Variants in SHOC1 observed in about 807,000 individuals in gnomAD.
The protein encoded by SHOC1 is shortage in chiasmata 1.
A neutral mutation model predicts 179.2 loss-of-function variants in SHOC1; 136 were observed. The observed-to-expected ratio is 0.76, with a 90% confidence interval of 0.66 to 0.87. The LOEUF is 0.87. SHOC1 is among the 40% of genes least tolerant of loss of function. SHOC1 has a pLI of 0.00. For missense variants in SHOC1, 1,538 were observed against 1,700.8 expected (o/e 0.90, Z 1.68); for synonymous variants, 489 against 586.6 (o/e 0.83, Z 2.41).
chr9:111,717,494 G>A, intron 16 of SHOC1, among the ~76,000 whole-genome samples: 1 of 151,812 alleles, frequency 6.6e-6, no homozygotes, highest in Non-Finnish European at 1.5e-5. Flanking sequence ...CTGGGGGGCT[G>A]AGGCAGGAGA....
chr9:111,771,935 G>A (rs1422513457), intron 5 of SHOC1, among the ~76,000 whole-genome samples: 5 of 152,132 alleles, frequency 3.3e-5, no homozygotes, highest in East Asian at 1.9e-4. Context: ...AGACCTTCCC[G>A]TACTGGAGAT....
intron 24 of SHOC1, among the ~76,000 whole-genome samples, chr9:111,697,702 T>C (rs149917195): frequency 0.011 from 1,634 of 152,336 alleles, 70 homozygotes; most frequent in Admixed American, 0.076. Flanking sequence ...TTTGGGTATA[T>C]ACCCAGTAAT....
chr9:111,766,800 C>T (rs1165055652), intron 5 of SHOC1, among the ~76,000 whole-genome samples: 1 of 151,536 alleles, frequency 6.6e-6, no homozygotes, highest in Non-Finnish European at 1.5e-5. Flanking sequence ...TTAGTAGAGA[C>T]AAGGTTTTGC....
Position 111,691,550 on chromosome 9 carries a change from C to A in SHOC1, c.4426+1G>T. 1 of 1,608,548 alleles carries A rather than the reference C, an allele frequency of 6.2e-7. No individual in the cohort carries two copies. The highest frequency in any genetic ancestry group is 1.1e-5 in the South Asian group (1 of 90,368). On this transcript the variant is annotated splice_donor_variant, in intron 27 of 27. Transcript: ENST00000682961. LOFTEE classifies it high-confidence loss of function. The stretch of plus-strand genomic sequence containing the variant: ...TTTTATCAACTATTGGATAGTGTTA[C>A]CTGTTAATGATTCCTTGTCTCCTGA...
At chr9:111,741,641 T>G (rs1287678177) in intron 10 of SHOC1, 71 bp from the exon 11 acceptor site, 2 of 849,722 alleles carry the variant, frequency 2.4e-6, no homozygotes, top group Non-Finnish European at 3.5e-6. Context: ...TTTATTTTAT[T>G]TTATTTTTTT....
At chr9:111,771,058 A>G (rs1185680696) in intron 5 of SHOC1, among the ~76,000 whole-genome samples, 1 of 151,834 alleles carries the variant, frequency 6.6e-6, no homozygotes, top group Admixed American at 6.6e-5. Flanking sequence ...TTTGTTGCCT[A>G]TTTTCTGATA....
At position 111,776,005 on chromosome 9, in the gene SHOC1, G is replaced by A. The variant is rs1835820590; in HGVS notation, c.258-30C>T. 3.2e-6 allele frequency: 5 copies of A among 1,551,522 alleles called. No individual in the cohort carries two copies. In the East Asian group the frequency reaches 9.1e-5, roughly 28 times the overall value. ...GACAATATAAAATTACTAATGTTAT[G>A]TATGTCCTATTTTAAAACACTTTTA... On this transcript the variant is annotated intron_variant, in intron 4 of 27. Coordinates refer to ENST00000682961, the MANE Select transcript of SHOC1 (RefSeq NM_001378211.1).
chr9:111,757,872 A>G (rs1259164466), intron 7 of SHOC1, among the ~76,000 whole-genome samples: 2 of 152,226 alleles, frequency 1.3e-5, no homozygotes, highest in Non-Finnish European at 2.9e-5. Flanking sequence ...TCAGGCTTCA[A>G]CATTTTTTTT....
rs567559215 is a variant in SHOC1, at chr9:111,779,089, ACT to A, written c.257+1839_257+1840del. Among the ~76,000 whole-genome samples, 125 of 126,516 alleles carry A rather than the reference ACT, an allele frequency of 9.9e-4. 1 individual carries two copies. The highest frequency in any genetic ancestry group is 5.2e-4 in the East Asian group (2 of 3,858). 83.0% of individuals were successfully genotyped at this position (126,516 alleles called of 152,430 possible). ...ACTCCAGCCTAGGCGACAGAGCGAG[ACT>A]CTGTGTCAAAAAAAAAAAAAAAAAG... is the stretch of plus-strand genomic sequence containing the variant. On this transcript the variant is annotated intron_variant, in intron 4 of 27. Coordinates refer to ENST00000682961, the MANE Select transcript of SHOC1 (RefSeq NM_001378211.1).
chr9:111,760,304 T>G (rs1835080251), intron 5 of SHOC1, among the ~76,000 whole-genome samples: 1 of 152,220 alleles, frequency 6.6e-6, no homozygotes, highest in South Asian at 2.1e-4. Context: ...AGGTTGTTTA[T>G]AGCAAGAGTG....
At position 111,709,542 on chromosome 9, in the gene SHOC1, GAA is replaced by G. The variant is rs1832438071; in HGVS notation, c.2489-1620_2489-1619del. On this transcript the variant is annotated intron_variant, in intron 18 of 27. Coordinates refer to ENST00000682961, the MANE Select transcript of SHOC1 (RefSeq NM_001378211.1). ...AGAAACTGAAGATAATTGCCGTTCTGAAAAAGAGTAAAAACATCTTCCAGTTT... is the reference window on the plus strand; with the variant it reads ...AGAAACTGAAGATAATTGCCGTTCTGAAAGAGTAAAAACATCTTCCAGTTT... Among the ~76,000 whole-genome samples the G allele has an allele frequency of 2.0e-5, 3 of 152,108 alleles. No homozygotes were observed. The South Asian group carries it at 6.2e-4, about 32-fold the overall frequency.
At chr9:111,778,777 A>G (rs1835928155) in intron 4 of SHOC1, among the ~76,000 whole-genome samples, 1 of 150,256 alleles carries the variant, frequency 6.7e-6, no homozygotes, top group Non-Finnish European at 1.5e-5. Flanking sequence ...TCTCAAAAAA[A>G]AAAAAAAAAA....
intron 26 of SHOC1, 69 bp from the exon 27 acceptor site, chr9:111,692,580 G>A: frequency 8.7e-7 from 1 of 1,153,432 alleles, no homozygotes; most frequent in Non-Finnish European, 1.2e-6. Flanking sequence ...TATCTATATG[G>A]AAAGAAGGCA....
In SHOC1 at chr9:111,781,200, G is replaced by A. The variant is rs143576902; in HGVS notation, c.170-183C>T. ...TCCTCATTATCATCAACCTACCCCCGCCCCTCAATCAACTACAGTTAGAAC... is the reference window on the plus strand; with the variant it reads ...TCCTCATTATCATCAACCTACCCCCACCCCTCAATCAACTACAGTTAGAAC... On this transcript the variant is annotated intron_variant, in intron 3 of 27. Coordinates refer to ENST00000682961, the MANE Select transcript of SHOC1 (RefSeq NM_001378211.1). 936 of 559,404 alleles carry A rather than the reference G, an allele frequency of 1.7e-3. 3 individuals carry two copies. Among genetic ancestry groups the A allele is most frequent in the African/African-American group, 9.1e-3 (474 of 52,064 alleles). 34.7% of individuals were successfully genotyped at this position (559,404 alleles called of 1,614,324 possible).
intron 24 of SHOC1, among the ~76,000 whole-genome samples, chr9:111,695,008 A>G (rs1831626068): frequency 6.6e-6 from 1 of 152,110 alleles, no homozygotes; most frequent in South Asian, 2.1e-4. Flanking sequence ...GTAAGGAAAA[A>G]AAGTACAGAA....
chr9:111,700,838 T>C (rs1260393659), intron 23 of SHOC1, among the ~76,000 whole-genome samples: 2 of 152,128 alleles, frequency 1.3e-5, no homozygotes, highest in African/African-American at 2.4e-5. Flanking sequence ...AGGCAGAGGG[T>C]GCCTACTTGA....
At chr9:111,760,964 T>A (rs1413970942) in intron 5 of SHOC1, among the ~76,000 whole-genome samples, 2 of 151,506 alleles carry the variant, frequency 1.3e-5, no homozygotes, top group Non-Finnish European at 2.9e-5. Context: ...TTATATATTA[T>A]AATTATACAT....
At chr9:111,776,998 A>G (rs912663992) in intron 4 of SHOC1, among the ~76,000 whole-genome samples, 1 of 152,176 alleles carries the variant, frequency 6.6e-6, no homozygotes, top group African/African-American at 2.4e-5. Context: ...TTTAAAGACA[A>G]TTTGGCAGGT....
chr9:111,781,117 T>C, intron 3 of SHOC1, 100 bp from the exon 4 acceptor site: 2 of 827,488 alleles, frequency 2.4e-6, no homozygotes. Context: ...TTTATCTTTA[T>C]TTATTCACAA....
Sources: gnomAD v4.1 joint callset for allele counts (sites outside exome capture counted in the v4.1 genomes callset) on GRCh38, gnomAD v4.1.1 for gene constraint, MANE v1.5 for transcripts, NCBI Gene and HGNC (gene_info 2026-07-23, HGNC 2026-07-21) for gene names.